SPRING1: variants seen among roughly 807,000 people sequenced by gnomAD.
The protein encoded by SPRING1 is SREBF pathway regulator in golgi 1.
SPRING1 carries 14 observed loss-of-function variants against 24.7 expected under a neutral mutation model. That is an observed-to-expected ratio of 0.57 (90% CI 0.37 to 0.88). The LOEUF (loss-of-function observed/expected upper bound fraction) is 0.88, where lower values mean the gene tolerates loss of function less well. Ranked by LOEUF, SPRING1 falls within the 40% of genes least tolerant of loss-of-function variation. SPRING1 has a pLI of 0.00. For synonymous variants in SPRING1, 93 were observed against 106.1 expected (o/e 0.88, Z 0.76); for missense variants, 255 against 268.4 (o/e 0.95, Z 0.35).
intron 4 of SPRING1, 61 bp downstream of exon 4, chr12:116,719,702 T>C: frequency 7.2e-7 from 1 of 1,398,336 alleles, no homozygotes. Flanking sequence ...GTGTGTATTT[T>C]CTAGTTTCCT....
chr12:116,719,830 T>C lies in SPRING1; in HGVS notation c.467A>G (p.Gln156Arg), dbSNP rs749582789. Residue 156 changes from glutamine (Q) to arginine (R), a missense_variant, in exon 4 of 5, where the codon CAG becomes CGG. Coordinates refer to ENST00000261318, the MANE Select transcript of SPRING1 (RefSeq NM_024738.4). ...RFLNRAAVAFQNLFMAVEDHF... is the reference protein window; with the variant it reads ...RFLNRAAVAFRNLFMAVEDHF... ...ATCTTCGACTGCCATGAAGAGGTTCTGGAATGCCACGGCTGCCCGGTTGAG... is the reference window on the plus strand; with the variant it reads ...ATCTTCGACTGCCATGAAGAGGTTCCGGAATGCCACGGCTGCCCGGTTGAG... The C allele has an allele frequency of 1.2e-5, 19 of 1,614,230 alleles. No individual in the cohort carries two copies. In the Middle Eastern group the frequency reaches 8.2e-4, roughly 70 times the overall value.
At position 116,725,661 on chromosome 12, in the gene SPRING1, G is replaced by A. The variant is rs778349023; in HGVS notation, c.112-2438C>T. Among the ~76,000 whole-genome samples the A allele has an allele frequency of 6.6e-5, 10 of 152,136 alleles. No individual in the cohort carries two copies. The East Asian group carries it at 1.2e-3, about 18-fold the overall frequency. On this transcript the variant is annotated intron_variant, in intron 1 of 4. Transcript: ENST00000261318. ...AACACTTTGGGAGGCCAAGGCGGGC[G>A]GATCACGAGTTCAGAAGATCGAGAC... is the stretch of plus-strand genomic sequence containing the variant.
intron 1 of SPRING1, among the ~76,000 whole-genome samples, chr12:116,725,926 C>CA (rs1168422436): frequency 6.6e-6 from 1 of 151,772 alleles, no homozygotes; most frequent in African/African-American, 2.4e-5. Context: ...TATAATTATT[C>CA]AAAAAATTGT....
Position 116,737,998 on chromosome 12 carries a change from C to T in SPRING1, c.-98G>A, listed in dbSNP as rs767536274. 8 of 1,155,784 alleles carry T rather than the reference C, an allele frequency of 6.9e-6. No homozygotes were observed. The highest frequency in any genetic ancestry group is 8.6e-6 in the Non-Finnish European group (8 of 935,084). The allele number at this position is 1,155,784 out of a possible 1,614,324, so 71.6% of individuals were successfully genotyped here. A position where few individuals can be genotyped will look rare whatever the true frequency, so the allele number is the denominator to read the frequency against. ...CTACGCGCCCGGCAGCCCCATCCCTCCAGGCAGGCGCCGGCCCCGCCGCCC... is the reference window on the plus strand; with the variant it reads ...CTACGCGCCCGGCAGCCCCATCCCTTCAGGCAGGCGCCGGCCCCGCCGCCC... On this transcript the variant is annotated 5_prime_UTR_variant, in exon 1 of 5. Coordinates refer to ENST00000261318, the MANE Select transcript of SPRING1 (RefSeq NM_024738.4).
chr12:116,734,174 G>A (rs566655574), intron 1 of SPRING1, among the ~76,000 whole-genome samples: 1 of 152,308 alleles, frequency 6.6e-6, no homozygotes, highest in African/African-American at 2.4e-5. Context: ...ATCGCACCCA[G>A]CCCATTTTAT....
chr12:116,725,648 G>A (rs566557436), intron 1 of SPRING1, among the ~76,000 whole-genome samples: 1 of 152,292 alleles, frequency 6.6e-6, no homozygotes, highest in South Asian at 2.1e-4. Context: ...CACTTTGGGA[G>A]GCCAAGGCGG....
At position 116,715,321 on chromosome 12, in the gene SPRING1, AAAC is replaced by A. The variant is rs1196741047; in HGVS notation, c.*2486_*2488del. 1.3e-5 allele frequency: 2 copies of A among 152,196 alleles called. No homozygotes were observed. The highest frequency in any genetic ancestry group is 3.9e-4 in the East Asian group (2 of 5,184). 9.4% of individuals were successfully genotyped at this position (152,196 alleles called of 1,614,324 possible). Reference sequence around the variant, plus strand: ...TCACACACTTCGCTGGGCTCTGGGCAAACAAAACTTAGACAAGGTCCCTGATTC... The same window carrying A: ...TCACACACTTCGCTGGGCTCTGGGCAAAAACTTAGACAAGGTCCCTGATTC... On this transcript the variant is annotated 3_prime_UTR_variant, in exon 5 of 5. Transcript: ENST00000261318.
chr12:116,719,258 C>T (rs184704149), intron 4 of SPRING1, among the ~76,000 whole-genome samples: 5 of 152,226 alleles, frequency 3.3e-5, no homozygotes, highest in East Asian at 1.9e-4. Context: ...AATGACAGCA[C>T]GCTAATATGT....
Position 116,717,885 on chromosome 12 carries a change from C to A in SPRING1, c.543G>T (p.Gln181His). The change falls in exon 5 of 5, where the codon CAG becomes CAT. Residue 181 changes from glutamine (Q) to histidine (H), a missense_variant. Gln to His is a conservative substitution (Grantham distance 24). Transcript: ENST00000261318. This position sits in a 1 kb window ranked among gnomAD's most constrained non-coding sequence, Gnocchi z 4.2. ...AKCRTSSQSV[Q>H]HENTYRDPIA... Reference sequence around the variant, plus strand: ...TGGGGTCCCGGTAGGTGTTCTCATGCTGCACGCTCTGTTGGCAAAAGGAAA... The same window carrying A: ...TGGGGTCCCGGTAGGTGTTCTCATGATGCACGCTCTGTTGGCAAAAGGAAA... The A allele has an allele frequency of 6.2e-7, 1 of 1,603,348 alleles. No individual in the cohort carries two copies. Among genetic ancestry groups the A allele is most frequent in the Non-Finnish European group, 8.5e-7 (1 of 1,173,644 alleles).
intron 1 of SPRING1, among the ~76,000 whole-genome samples, chr12:116,735,593 G>A (rs562789962): frequency 6.6e-6 from 1 of 151,976 alleles, no homozygotes; most frequent in South Asian, 2.1e-4. Context: ...TTAGTCGGGT[G>A]TGGTGGTGCA....
intron 1 of SPRING1, among the ~76,000 whole-genome samples, chr12:116,732,348 G>A (rs1264592174): frequency 6.6e-6 from 1 of 152,162 alleles, no homozygotes; most frequent in Non-Finnish European, 1.5e-5. Context: ...GGCCGAGGCG[G>A]GTGGATTGTT....
intron 1 of SPRING1, among the ~76,000 whole-genome samples, chr12:116,727,940 A>G (rs1870783771): frequency 6.6e-6 from 1 of 152,120 alleles, no homozygotes; most frequent in Non-Finnish European, 1.5e-5. Flanking sequence ...CCAAATTAGC[A>G]AGTCTCATAT....
chr12:116,723,299 C>G (rs1029328882), intron 1 of SPRING1, 76 bp from the exon 2 acceptor site: 4 of 1,542,936 alleles, frequency 2.6e-6, no homozygotes, highest in Non-Finnish European at 3.5e-6. Flanking sequence ...TTCACAGAAA[C>G]TACAGTAAGA....
intron 1 of SPRING1, among the ~76,000 whole-genome samples, chr12:116,723,577 T>C (rs772823155): frequency 6.6e-6 from 1 of 152,186 alleles, no homozygotes; most frequent in Non-Finnish European, 1.5e-5. Context: ...ATTTTTCACA[T>C]TAAAACAAAT....
In SPRING1 at chr12:116,737,945, C is replaced by A; in HGVS notation, c.-45G>T. On this transcript the variant is annotated 5_prime_UTR_variant, in exon 1 of 5. Transcript: ENST00000261318. ...GCGGCGGCCGGGGCGCGGAACGCGGCAGGCCCGGGTCCCGGGCGGCATGGC... is the reference window on the plus strand; with the variant it reads ...GCGGCGGCCGGGGCGCGGAACGCGGAAGGCCCGGGTCCCGGGCGGCATGGC... 2.2e-6 allele frequency: 3 copies of A among 1,370,800 alleles called. No individual in the cohort carries two copies. Among genetic ancestry groups the A allele is most frequent in the Admixed American group, 3.6e-5 (1 of 27,542 alleles). The allele number at this position is 1,370,800 out of a possible 1,614,324, so 84.9% of individuals were successfully genotyped here. A position where few individuals can be genotyped will look rare whatever the true frequency, so the allele number is the denominator to read the frequency against.
chr12:116,724,671 C>T (rs1374731448), intron 1 of SPRING1, among the ~76,000 whole-genome samples: 1 of 152,128 alleles, frequency 6.6e-6, no homozygotes, highest in African/African-American at 2.4e-5. Context: ...GAGCAAAACT[C>T]CATCTCAAAA....
chr12:116,719,450 G>A (rs1214857534), intron 4 of SPRING1, among the ~76,000 whole-genome samples: 3 of 152,294 alleles, frequency 2.0e-5, no homozygotes, highest in South Asian at 4.1e-4. Context: ...CCTTCTCTTA[G>A]AAGCTGACTA....
In SPRING1 at chr12:116,715,245, T is replaced by C. The variant is rs1311552042; in HGVS notation, c.*2565A>G. On this transcript the variant is annotated 3_prime_UTR_variant, in exon 5 of 5. Transcript: ENST00000261318. ...CACCACGCCCCACCAATGAAATGTT[T>C]TCTAAAGGTGTTTTCATCCCTTTTG... 1.3e-5 allele frequency: 2 copies of C among 152,150 alleles called. No individual in the cohort carries two copies. The highest frequency in any genetic ancestry group is 6.5e-5 in the Admixed American group (1 of 15,274). 9.4% of individuals were successfully genotyped at this position (152,150 alleles called of 1,614,324 possible). A position where few individuals can be genotyped will look rare whatever the true frequency, so the allele number is the denominator to read the frequency against.
chr12:116,712,442 A>T lies in SPRING1; in HGVS notation c.*5368T>A, dbSNP rs527667566. On this transcript the variant is annotated 3_prime_UTR_variant, in exon 5 of 5. Transcript: ENST00000261318. ...TTGCAGATACATGCTGAATATAGGGATGCCTGTACACAAAACTGCACTCAT... is the reference window on the plus strand; with the variant it reads ...TTGCAGATACATGCTGAATATAGGGTTGCCTGTACACAAAACTGCACTCAT... The T allele has an allele frequency of 2.0e-5, 3 of 152,284 alleles. No individual in the cohort carries two copies. In the East Asian group the frequency reaches 5.8e-4, roughly 29 times the overall value. The allele number at this position is 152,284 out of a possible 1,614,324, so 9.4% of individuals were successfully genotyped here. A position where few individuals can be genotyped will look rare whatever the true frequency, so the allele number is the denominator to read the frequency against.
Sources: gnomAD v4.1 joint callset for allele counts (sites outside exome capture counted in the v4.1 genomes callset) on GRCh38, gnomAD v4.1.1 for gene constraint, Gnocchi (gnomAD v3.1) non-coding constraint, MANE v1.5 for transcripts, NCBI Gene and HGNC (gene_info 2026-07-23, HGNC 2026-07-21) for gene names.